Variants in ZNF354A observed in about 807,000 individuals in gnomAD.
ZNF354A encodes epididymis luminal protein 104.
In ZNF354A, 25 loss-of-function variants were observed where a neutral mutation model predicts 53.3. The ratio of observed to expected loss-of-function variants is 0.47; its 90% CI spans 0.34 to 0.66. The LOEUF (loss-of-function observed/expected upper bound fraction) is 0.66. ZNF354A is among the 30% of genes least tolerant of loss of function. The pLI, the probability that ZNF354A is intolerant of heterozygous loss-of-function variation, is 0.01. For synonymous variants in ZNF354A, 228 were observed against 249.0 expected (o/e 0.92, Z 0.79); for missense variants, 586 against 716.8 (o/e 0.82, Z 2.08).
At chr5:178,728,923 C>G (rs1182900985) in intron 2 of ZNF354A, 67 bp downstream of exon 2, 1 of 670,290 alleles carries the variant, frequency 1.5e-6, no homozygotes, top group South Asian at 1.8e-5. Context: ...GGAGATGGTC[C>G]CGGGTGAAGA....
chr5:178,726,643 AC>A (rs1214184279), intron 3 of ZNF354A, among the ~76,000 whole-genome samples: 1 of 151,806 alleles, frequency 6.6e-6, no homozygotes, highest in East Asian at 1.9e-4. Context: ...CCTGGAAAAG[AC>A]AAGTGGGAAA....
chr5:178,728,384 T>C (rs13173130), intron 2 of ZNF354A, among the ~76,000 whole-genome samples: 36,264 of 152,048 alleles, frequency 0.24, 5,132 homozygotes, highest in South Asian at 0.35. Flanking sequence ...AAAGTTAAAA[T>C]GGTATATTTT....
chr5:178,715,921 G>A (rs1765703900), intron 4 of ZNF354A, among the ~76,000 whole-genome samples: 1 of 149,594 alleles, frequency 6.7e-6, no homozygotes, highest in South Asian at 2.1e-4. Context: ...TTTTGAGATG[G>A]AGTCTCACTG....
chr5:178,727,212 A>G, intron 2 of ZNF354A, 87 bp from the exon 3 acceptor site: 2 of 1,382,994 alleles, frequency 1.4e-6, no homozygotes, highest in Non-Finnish European at 1.9e-6. Flanking sequence ...TACCCGTGAA[A>G]CACTTCCCAT....
At chr5:178,714,324 T>C (rs919483850) in intron 4 of ZNF354A, among the ~76,000 whole-genome samples, 2 of 152,126 alleles carry the variant, frequency 1.3e-5, no homozygotes, top group Non-Finnish European at 2.9e-5. Flanking sequence ...TTATTCTTAA[T>C]CTGGAAAGTC....
At position 178,713,231 on chromosome 5, in the gene ZNF354A, C is replaced by T. The variant is rs750392775; in HGVS notation, c.647G>A (p.Cys216Tyr). 6.2e-6 allele frequency: 10 copies of T among 1,614,050 alleles called. No individual in the cohort carries two copies. Among genetic ancestry groups the T allele is most frequent in the African/African-American group, 1.3e-5 (1 of 74,940 alleles). Residue 216 changes from cysteine to tyrosine, a missense_variant, in exon 5 of 5, where the codon TGT becomes TAT. By Grantham distance (194) the Cys-to-Tyr change is radical. This residue lies in a region of ZNF354A where 573 missense variants were observed against 680.1 expected (regional missense o/e 0.84). Transcript: ENST00000335815. ...PKITADKRYK[C>Y]SLCEKTFINT... ...AATGAAGGTTTTTTCACACAGACTA[C>T]ATTTATAGCGTTTATCTGCTGTAAT...
chr5:178,725,191 G>A (rs1451695771), intron 4 of ZNF354A, among the ~76,000 whole-genome samples, 185 bp downstream of exon 4: 2 of 152,258 alleles, frequency 1.3e-5, no homozygotes, highest in African/African-American at 4.8e-5. Flanking sequence ...ACAGGAAAGA[G>A]TAAGAAAGAG....
At chr5:178,714,041 C>T (rs1245257326) in intron 4 of ZNF354A, among the ~76,000 whole-genome samples, 2 of 151,160 alleles carry the variant, frequency 1.3e-5, no homozygotes, top group Non-Finnish European at 2.9e-5. Flanking sequence ...CAGTCTCACT[C>T]TGTCGCCCAG....
chr5:178,723,850 C>G (rs1765856136), intron 4 of ZNF354A, among the ~76,000 whole-genome samples: 1 of 151,978 alleles, frequency 6.6e-6, no homozygotes, highest in South Asian at 2.1e-4. Flanking sequence ...CTCCCCGTTT[C>G]TCTACTCTGA....
intron 4 of ZNF354A, 89 bp from the exon 5 acceptor site, chr5:178,713,710 G>A (rs1765666868): frequency 2.1e-5 from 30 of 1,424,202 alleles, no homozygotes; most frequent in Non-Finnish European, 2.8e-5. Context: ...ATAAATATTG[G>A]TGACATTTAA....
At chr5:178,716,364 C>A (rs575172095) in intron 4 of ZNF354A, among the ~76,000 whole-genome samples, 4 of 152,268 alleles carry the variant, frequency 2.6e-5, no homozygotes, top group African/African-American at 9.6e-5. Flanking sequence ...CCTGTCCTCA[C>A]CCCCTCTTCC....
chr5:178,717,191 C>T (rs996753337), intron 4 of ZNF354A, among the ~76,000 whole-genome samples: 6 of 151,670 alleles, frequency 4.0e-5, no homozygotes, highest in South Asian at 2.1e-4. Context: ...TTTAAGCCTA[C>T]GGGAAGCCAC....
chr5:178,714,069 C>A (rs1460836656), intron 4 of ZNF354A, among the ~76,000 whole-genome samples: 1 of 151,636 alleles, frequency 6.6e-6, no homozygotes, highest in South Asian at 2.1e-4. Flanking sequence ...TGCAGTGGCG[C>A]GATCTCGGCT....
chr5:178,712,390 A>G lies in ZNF354A; in HGVS notation c.1488T>C (p.Cys496=). The G allele has an allele frequency of 2.5e-6, 4 of 1,613,764 alleles. No individual in the cohort carries two copies. The highest frequency in any genetic ancestry group is 3.4e-6 in the Non-Finnish European group (4 of 1,179,684). ...RMHTGERPYK[C]NECGKTFRCN... ...ACCTGAATGTTTTCCCACACTCGTTACATTTATAGGGTCTTTCTCCAGTAT... is the reference window on the plus strand; with the variant it reads ...ACCTGAATGTTTTCCCACACTCGTTGCATTTATAGGGTCTTTCTCCAGTAT... The change falls in exon 5 of 5, where the codon TGT becomes TGC. Residue 496 remains cysteine, a synonymous_variant. Transcript: ENST00000335815.
At chr5:178,724,228 T>C (rs971105243) in intron 4 of ZNF354A, among the ~76,000 whole-genome samples, 3 of 133,756 alleles carry the variant, frequency 2.2e-5, no homozygotes, top group Non-Finnish European at 4.7e-5. Flanking sequence ...GCTTCCCGCC[T>C]TTTTTTTTTT....
chr5:178,721,203 A>G (rs910966160), intron 4 of ZNF354A, among the ~76,000 whole-genome samples: 2 of 151,906 alleles, frequency 1.3e-5, no homozygotes, highest in African/African-American at 4.8e-5. Context: ...TGACTGGGAT[A>G]TGTTCTGAGA....
Position 178,712,318 on chromosome 5 carries a change from T to C in ZNF354A, c.1560A>G (p.Lys520=). The C allele has an allele frequency of 1.2e-6, 2 of 1,614,170 alleles. No homozygotes were observed. Among genetic ancestry groups the C allele is most frequent in the Non-Finnish European group, 1.7e-6 (2 of 1,180,014 alleles). The part of the protein sequence containing the change: ...SNHQRIHTGE[K]PYRCEECGIS... ...TCCCACATTCCTCACATCGATATGG[T>C]TTCTCTCCAGTATGAATTCTCTGGT... Residue 520 remains lysine (K), a synonymous_variant, in exon 5 of 5, where the codon AAA becomes AAG. Coordinates refer to ENST00000335815, the MANE Select transcript of ZNF354A (RefSeq NM_005649.3).
At chr5:178,722,853 G>A (rs1313679274) in intron 4 of ZNF354A, among the ~76,000 whole-genome samples, 5 of 152,228 alleles carry the variant, frequency 3.3e-5, no homozygotes, top group African/African-American at 1.2e-4. Context: ...TGGCGTGGGG[G>A]CTGCAGGGCT....
chr5:178,721,485 A>G (rs1329202459), intron 4 of ZNF354A, among the ~76,000 whole-genome samples: 2 of 152,018 alleles, frequency 1.3e-5, no homozygotes, highest in East Asian at 3.9e-4. Context: ...TGACAGTGTA[A>G]GTAAATACAC....
Sources: gnomAD v4.1 joint callset for allele counts (sites outside exome capture counted in the v4.1 genomes callset) on GRCh38, gnomAD v4.1.1 for gene constraint, gnomAD v4.1.1 regional missense constraint, MANE v1.5 for transcripts, NCBI Gene and HGNC (gene_info 2026-07-23, HGNC 2026-07-21) for gene names.